AGBL4: variants seen among roughly 807,000 people sequenced by gnomAD.
AGBL4 encodes AGBL carboxypeptidase 4, also known as cytosolic carboxypeptidase 6.
In AGBL4, 58 loss-of-function variants were observed where a neutral mutation model predicts 66.4. The ratio of observed to expected loss-of-function variants is 0.87; its 90% confidence interval spans 0.71 to 1.09. AGBL4 has a LOEUF of 1.09. AGBL4 is among the 50% of genes least tolerant of loss of function. AGBL4 has a pLI of 0.00. For synonymous variants in AGBL4, 234 were observed against 222.9 expected (o/e 1.05, Z -0.44); for missense variants, 579 against 631.0 (o/e 0.92, Z 0.88).
intron 2 of AGBL4, among the ~76,000 whole-genome samples, chr1:49,743,036 A>C (rs1181700473): frequency 9.9e-5 from 15 of 152,232 alleles, no homozygotes; most frequent in South Asian, 2.1e-4. Context: ...ACAACAAAAG[A>C]CAAAATTGAC....
chr1:49,465,428 A>G (rs1646609721), intron 3 of AGBL4, among the ~76,000 whole-genome samples: 1 of 151,728 alleles, frequency 6.6e-6, no homozygotes, highest in African/African-American at 2.4e-5. Context: ...ACCCTGCCAG[A>G]CTACTGTGGG....
chr1:49,994,847 C>T (rs879865771), intron 1 of AGBL4: 1 of 320,428 alleles, frequency 3.1e-6, no homozygotes, highest in Non-Finnish European at 6.1e-6. Context: ...CATCCACCCC[C>T]CTCCCAATAC....
chr1:49,151,281 A>T (rs552507588), intron 4 of AGBL4, among the ~76,000 whole-genome samples: 1,988 of 143,136 alleles, frequency 0.014, 44 homozygotes, highest in African/African-American at 0.046. Flanking sequence ...AAAAAAAAAA[A>T]ATATATATAT....
intron 6 of AGBL4, among the ~76,000 whole-genome samples, chr1:48,758,131 A>G (rs1644043910): frequency 1.3e-5 from 2 of 152,222 alleles, no homozygotes. Flanking sequence ...GAACCTATTA[A>G]GTTCTATGAG....
chr1:49,812,267 C>T (rs1308514263), intron 2 of AGBL4, among the ~76,000 whole-genome samples: 1 of 152,180 alleles, frequency 6.6e-6, no homozygotes, highest in Non-Finnish European at 1.5e-5. Flanking sequence ...ATTTGTTAAA[C>T]TCCAATTGTT....
At chr1:48,897,664 A>G (rs927973251) in intron 5 of AGBL4, among the ~76,000 whole-genome samples, 6 of 152,162 alleles carry the variant, frequency 3.9e-5, no homozygotes, top group African/African-American at 2.4e-5. Flanking sequence ...TTTTTAATAC[A>G]AGCCATTTTA....
chr1:49,735,334 T>TGG (rs57275876), intron 2 of AGBL4, among the ~76,000 whole-genome samples: 15 of 138,986 alleles, frequency 1.1e-4, no homozygotes, highest in Admixed American at 1.0e-3. Flanking sequence ...TGTGTGTGTG[T>TGG]AGAGAGAGAG....
chr1:49,903,709 ATT>A (rs973561391), intron 1 of AGBL4, among the ~76,000 whole-genome samples: 4 of 152,168 alleles, frequency 2.6e-5, no homozygotes, highest in Admixed American at 2.6e-4. Flanking sequence ...AGAAATACTC[ATT>A]CTTATAATAA....
In AGBL4 at chr1:49,119,581, G is replaced by A. The variant is rs370265793; in HGVS notation, c.378-73781C>T. On this transcript the variant is annotated intron_variant, in intron 4 of 13. Coordinates refer to ENST00000371839, the MANE Select transcript of AGBL4 (RefSeq NM_032785.4). ...TGAAAGAGAGTTTGTTGTGATTTCTGTTCTTTTACACTTGCTGAGGAGTGC... is the reference window on the plus strand; with the variant it reads ...TGAAAGAGAGTTTGTTGTGATTTCTATTCTTTTACACTTGCTGAGGAGTGC... Among the ~76,000 whole-genome samples the A allele has an allele frequency of 9.1e-4, 139 of 152,284 alleles. 1 individual carries two copies. In the South Asian group the frequency reaches 0.027, roughly 30 times the overall value.
intron 9 of AGBL4, among the ~76,000 whole-genome samples, chr1:48,618,663 T>C (rs924323466): frequency 6.6e-6 from 1 of 152,208 alleles, no homozygotes; most frequent in East Asian, 1.9e-4. Flanking sequence ...CCTCAGGCTA[T>C]GGCAACAACC....
In AGBL4 at chr1:49,816,765, G is replaced by C. The variant is rs75358669; in HGVS notation, c.157+34631C>G. On this transcript the variant is annotated intron_variant, in intron 2 of 13. Transcript: ENST00000371839. ...TTGTCTCTTGTATATTAGATAACAA[G>C]ACTAATTGGCAGCATCTCTAATACT... is the stretch of plus-strand genomic sequence containing the variant. Among the ~76,000 whole-genome samples, 241 of 152,286 alleles carry C rather than the reference G, an allele frequency of 1.6e-3. 9 individuals carry two copies. The East Asian group carries it at 0.038, about 24-fold the overall frequency.
chr1:48,694,700 T>C (rs1646687691), intron 6 of AGBL4, among the ~76,000 whole-genome samples: 1 of 152,112 alleles, frequency 6.6e-6, no homozygotes, highest in South Asian at 2.1e-4. Context: ...TCCATCAGCT[T>C]CCACTCTGTG....
intron 11 of AGBL4, among the ~76,000 whole-genome samples, chr1:48,573,066 G>A (rs1041328567): frequency 5.3e-5 from 8 of 152,126 alleles, no homozygotes; most frequent in Non-Finnish European, 4.4e-5. Flanking sequence ...CCTCTACACC[G>A]GCCCAGCGCC....
intron 3 of AGBL4, among the ~76,000 whole-genome samples, chr1:49,376,407 G>T (rs894235417): frequency 2.0e-5 from 3 of 151,940 alleles, no homozygotes; most frequent in African/African-American, 7.3e-5. Context: ...TTGGAGAGCA[G>T]GAAAAGAAAG....
rs59111554 is a variant in AGBL4, at chr1:48,788,267, G to T, written c.634+78924C>A. Among the ~76,000 whole-genome samples, 4 of 152,328 alleles carry T rather than the reference G, an allele frequency of 2.6e-5. No individual in the cohort carries two copies. In the South Asian group the frequency reaches 8.3e-4, roughly 32 times the overall value. On this transcript the variant is annotated intron_variant, in intron 6 of 13. Transcript: ENST00000371839. ...TGCCTTTTTCATTCTTACCTTCTGAGATAATTTCTATTACTCTTTCCTTTC... is the reference window on the plus strand; with the variant it reads ...TGCCTTTTTCATTCTTACCTTCTGATATAATTTCTATTACTCTTTCCTTTC...
intron 3 of AGBL4, among the ~76,000 whole-genome samples, chr1:49,666,681 AGAT>A (rs1237310768): frequency 1.3e-5 from 2 of 152,150 alleles, no homozygotes; most frequent in Non-Finnish European, 2.9e-5. Flanking sequence ...GCACAAAAAT[AGAT>A]GAGAGCTAAA....
intron 2 of AGBL4, among the ~76,000 whole-genome samples, chr1:49,806,059 G>T (rs1165089752): frequency 1.3e-5 from 2 of 152,292 alleles, no homozygotes. Flanking sequence ...AATGGGTAAA[G>T]GATGGAAGTG....
chr1:48,725,341 A>G (rs1470562278), intron 6 of AGBL4, among the ~76,000 whole-genome samples: 5 of 152,212 alleles, frequency 3.3e-5, no homozygotes, highest in Non-Finnish European at 7.3e-5. Flanking sequence ...AAGCAGAGGA[A>G]ATTTGTATTT....
chr1:49,690,102 C>T (rs1377141551), intron 3 of AGBL4, among the ~76,000 whole-genome samples: 1 of 152,198 alleles, frequency 6.6e-6, no homozygotes, highest in Non-Finnish European at 1.5e-5. Flanking sequence ...AAGATTAAGA[C>T]TCACTGAAGC....
Sources: gnomAD v4.1 joint callset for allele counts (sites outside exome capture counted in the v4.1 genomes callset) on GRCh38, gnomAD v4.1.1 for gene constraint, MANE v1.5 for transcripts, NCBI Gene and HGNC (gene_info 2026-07-23, HGNC 2026-07-21) for gene names.